ST8SIA1: variants seen among roughly 807,000 people sequenced by gnomAD.
The protein encoded by ST8SIA1 is alpha-N-acetylneuraminide alpha-2,8-sialyltransferase.
ST8SIA1 carries 16 observed loss-of-function variants against 35.9 expected under a neutral mutation model. That is an observed-to-expected ratio of 0.45 (90% confidence interval 0.30 to 0.68). The LOEUF (loss-of-function observed/expected upper bound fraction) is 0.68. ST8SIA1 is among the 30% of genes least tolerant of loss of function. The pLI is 0.09. For synonymous variants in ST8SIA1, 170 were observed against 169.6 expected (o/e 1.00, Z -0.02); for missense variants, 383 against 453.6 (o/e 0.84, Z 1.41).
intron 4 of ST8SIA1, among the ~76,000 whole-genome samples, chr12:22,225,288 T>G (rs1162917960): frequency 6.6e-6 from 1 of 152,168 alleles, no homozygotes; most frequent in African/African-American, 2.4e-5. Context: ...ATATATGGCC[T>G]CTGATGAAGA....
At chr12:22,214,038 TTTGAAGAGAAAGACTA>T (rs1260096917) in intron 4 of ST8SIA1, among the ~76,000 whole-genome samples, 1 of 152,140 alleles carries the variant, frequency 6.6e-6, no homozygotes, top group Non-Finnish European at 1.5e-5. Flanking sequence ...GAGAAAATGG[TTTGAAGAGAAAGACTA>T]TTATCCAAAT....
chr12:22,250,262 C>T (rs1035826940), intron 3 of ST8SIA1, among the ~76,000 whole-genome samples: 2 of 152,152 alleles, frequency 1.3e-5, no homozygotes, highest in African/African-American at 4.8e-5. Flanking sequence ...TTCAGTTTCT[C>T]CATTATACAA....
chr12:22,265,816 T>C (rs934668303), intron 2 of ST8SIA1, among the ~76,000 whole-genome samples: 2 of 152,098 alleles, frequency 1.3e-5, no homozygotes, highest in African/African-American at 4.8e-5. Flanking sequence ...CCTCTAGTTC[T>C]TGCCTATCAT....
intron 2 of ST8SIA1, among the ~76,000 whole-genome samples, chr12:22,256,380 G>A (rs987990596): frequency 2.6e-5 from 4 of 152,126 alleles, no homozygotes; most frequent in East Asian, 3.9e-4. Flanking sequence ...TGCGTCATTC[G>A]GCCACTTCTA....
chr12:22,227,295 C>A (rs1865370265), intron 4 of ST8SIA1, among the ~76,000 whole-genome samples: 1 of 151,836 alleles, frequency 6.6e-6, no homozygotes, highest in African/African-American at 2.4e-5. Flanking sequence ...TGTTTTGAGG[C>A]CAGGCGCGGT....
chr12:22,224,240 A>G (rs1865331085), intron 4 of ST8SIA1, among the ~76,000 whole-genome samples: 1 of 151,878 alleles, frequency 6.6e-6, no homozygotes, highest in African/African-American at 2.4e-5. Flanking sequence ...TCTACATCCA[A>G]TTATCTCCTG....
intron 2 of ST8SIA1, among the ~76,000 whole-genome samples, chr12:22,263,127 T>C (rs960420800): frequency 1.3e-5 from 2 of 152,168 alleles, no homozygotes; most frequent in African/African-American, 2.4e-5. Context: ...GAGTGCTAGA[T>C]TGAATCAATT....
intron 1 of ST8SIA1, among the ~76,000 whole-genome samples, chr12:22,295,561 T>A (rs1434784356): frequency 6.6e-6 from 1 of 151,920 alleles, no homozygotes; most frequent in Non-Finnish European, 1.5e-5. Context: ...GGTGAAACCC[T>A]GTTTCTACAA....
intron 1 of ST8SIA1, among the ~76,000 whole-genome samples, chr12:22,304,192 T>G (rs1018093335): frequency 6.6e-6 from 1 of 152,208 alleles, no homozygotes; most frequent in South Asian, 2.1e-4. Flanking sequence ...AAAAAGATTT[T>G]TTTTAAGGAG....
intron 2 of ST8SIA1, among the ~76,000 whole-genome samples, chr12:22,265,891 A>T (rs1423598684): frequency 6.8e-6 from 1 of 147,956 alleles, no homozygotes; most frequent in African/African-American, 2.5e-5. Context: ...CTTTTCTAAT[A>T]AAAAAAAAAG....
chr12:22,293,781 C>T (rs1866210087), intron 1 of ST8SIA1, among the ~76,000 whole-genome samples: 1 of 152,156 alleles, frequency 6.6e-6, no homozygotes, highest in South Asian at 2.1e-4. Flanking sequence ...TCCTTCTATT[C>T]TCAAACATGT....
At chr12:22,263,960 T>G (rs1295346950) in intron 2 of ST8SIA1, among the ~76,000 whole-genome samples, 6 of 152,180 alleles carry the variant, frequency 3.9e-5, no homozygotes, top group Non-Finnish European at 8.8e-5. Flanking sequence ...TTGCCCTTCT[T>G]AATGAAAATC....
At chr12:22,236,135 G>A (rs1036292299) in intron 4 of ST8SIA1, among the ~76,000 whole-genome samples, 3 of 151,932 alleles carry the variant, frequency 2.0e-5, no homozygotes, top group East Asian at 3.9e-4. Context: ...CCTTTACCAC[G>A]TCTCCCTTCT....
chr12:22,292,377 A>G (rs535646517), intron 1 of ST8SIA1, among the ~76,000 whole-genome samples: 5 of 152,150 alleles, frequency 3.3e-5, no homozygotes, highest in Non-Finnish European at 7.4e-5. Context: ...CTATATCCCT[A>G]AGACCCAGAA....
intron 4 of ST8SIA1, among the ~76,000 whole-genome samples, chr12:22,219,927 C>T (rs1470346247): frequency 1.3e-5 from 2 of 152,098 alleles, no homozygotes; most frequent in East Asian, 3.9e-4. Flanking sequence ...TCACATGAAC[C>T]TTTTTAATCC....
intron 1 of ST8SIA1, chr12:22,324,287 TA>T (rs896502659): frequency 1.3e-5 from 2 of 151,804 alleles, no homozygotes; most frequent in African/African-American, 4.9e-5. Flanking sequence ...AAAAAGATTT[TA>T]AAAAAAGAAC....
rs112806651 is a variant in ST8SIA1, at chr12:22,266,773, G to A, written c.382-11384C>T. 6.7e-3 allele frequency among the ~76,000 whole-genome samples: 1,011 copies of A among 151,674 alleles called. 6 individuals are homozygous for A. Among genetic ancestry groups the A allele is most frequent in the South Asian group, 0.013 (63 of 4,790 alleles). On this transcript the variant is annotated intron_variant, in intron 2 of 4. Transcript: ENST00000396037. ...GATTGTGCCACTGCATTGCAGCCTG[G>A]GTGACCGAGTGAGACCCTGTCTCTT... is the stretch of plus-strand genomic sequence containing the variant.
intron 4 of ST8SIA1, among the ~76,000 whole-genome samples, chr12:22,227,346 C>A (rs1432599699): frequency 6.6e-6 from 1 of 151,964 alleles, no homozygotes; most frequent in Non-Finnish European, 1.5e-5. Flanking sequence ...AAGGCTGAGG[C>A]AGGCAGATCA....
At position 22,255,277 on chromosome 12, in the gene ST8SIA1, T is replaced by G; in HGVS notation, c.491+3A>C. 6.2e-7 allele frequency: 1 copy of G among 1,613,638 alleles called. No homozygotes were observed. Among genetic ancestry groups the G allele is most frequent in the African/African-American group, 1.3e-5 (1 of 75,056 alleles). On this transcript the variant is annotated splice_donor_region_variant and intron_variant, in intron 3 of 4. Coordinates refer to ENST00000396037, the MANE Select transcript of ST8SIA1 (RefSeq NM_003034.4). ...AGGCCGCGCTGTGGGTGCTCTCTCTTACCGCATGACAAAATTTGCTTCATC... is the reference window on the plus strand; with the variant it reads ...AGGCCGCGCTGTGGGTGCTCTCTCTGACCGCATGACAAAATTTGCTTCATC...
Sources: allele counts gnomAD v4.1 joint callset (sites outside exome capture counted in the v4.1 genomes callset), GRCh38; gene constraint gnomAD v4.1.1; transcripts MANE v1.5; gene names NCBI Gene and HGNC (gene_info 2026-07-23, HGNC 2026-07-21).